TNNT3: variants seen among roughly 807,000 people sequenced by gnomAD.
TNNT3 encodes the protein troponin T, fast skeletal muscle.
A neutral mutation model predicts 54.2 loss-of-function variants in TNNT3; 36 were observed. The ratio of observed to expected loss-of-function variants is 0.66; its 90% CI spans 0.51 to 0.88. TNNT3 has a LOEUF of 0.88. Among genes scored for constraint, TNNT3 ranks in the 40% least tolerant of loss-of-function variants. The pLI is 0.00. For synonymous variants in TNNT3, 120 were observed against 109.7 expected, an observed-to-expected ratio of 1.09 and a Z score of -0.59; for missense variants, 291 against 331.6, an observed-to-expected ratio of 0.88 and a Z score of 0.95.
chr11:1,921,492 A>G (rs1353296957), intron 1 of TNNT3: 1 of 152,222 alleles, frequency 6.6e-6, no homozygotes, highest in East Asian at 1.9e-4. Context: ...GGGGCTGAGG[A>G]CTGAGGAGAG....
At chr11:1,929,920 AGT>A in intron 8 of TNNT3, 92 bp downstream of exon 8, 1 of 1,493,054 alleles carries the variant, frequency 6.7e-7, no homozygotes, top group Non-Finnish European at 9.1e-7. Context: ...CCCAGTGCCG[AGT>A]GTGTTCTGGG....
chr11:1,929,634 G>C (rs1477125361), intron 7 of TNNT3, among the ~76,000 whole-genome samples, 176 bp from the exon 8 acceptor site: 1 of 152,232 alleles, frequency 6.6e-6, no homozygotes, highest in Non-Finnish European at 1.5e-5. Context: ...TGCAGGCCTA[G>C]AGCAGAAACA....
intron 3 of TNNT3, among the ~76,000 whole-genome samples, 158 bp from the exon 4 acceptor site, chr11:1,923,397 C>T (rs1026325396): frequency 2.0e-5 from 3 of 152,000 alleles, no homozygotes; most frequent in South Asian, 4.2e-4. Flanking sequence ...CCTTCCCCAG[C>T]GCCTCCTCAG....
intron 1 of TNNT3, among the ~76,000 whole-genome samples, chr11:1,921,182 C>T (rs193211126): frequency 2.1e-4 from 32 of 152,340 alleles, no homozygotes; most frequent in African/African-American, 7.7e-4. Flanking sequence ...AACGTCTTGC[C>T]TATTTCTGGA....
intron 8 of TNNT3, among the ~76,000 whole-genome samples, chr11:1,931,241 G>A (rs891717397): frequency 2.0e-5 from 3 of 152,078 alleles, no homozygotes; most frequent in East Asian, 1.9e-4. Context: ...CATAAATAAC[G>A]CTGGTTGGAA....
In TNNT3 at chr11:1,934,371, A is replaced by T; in HGVS notation, c.406A>T (p.Arg136Trp). 4 of 1,613,944 alleles carry T rather than the reference A, an allele frequency of 2.5e-6. No homozygotes were observed. The highest frequency in any genetic ancestry group is 3.4e-6 in the Non-Finnish European group (4 of 1,180,038). ...ARREEEDAKR[R>W]AEDDLKKKKA... ...AAGGGAGGAGGAGGATGCCAAGAGG[A>T]GGGCAGAGGACGACCTGAAGAAGAA... Residue 136 changes from arginine to tryptophan, a missense_variant, in exon 12 of 16, where the codon AGG (arginine) becomes TGG (tryptophan). Transcript: ENST00000278317.
chr11:1,932,758 A>G (rs1853774225), intron 9 of TNNT3, among the ~76,000 whole-genome samples: 1 of 150,190 alleles, frequency 6.7e-6, no homozygotes, highest in Non-Finnish European at 1.5e-5. Flanking sequence ...GCTCCTACCC[A>G]TTCACCTATC....
chr11:1,938,602 G>GA lies in TNNT3; in HGVS notation c.*111dup, dbSNP rs1345501507. Reference sequence around the variant, plus strand: ...CCCACAATCCTGTCAGGGGCTCCCTGACAGTCCTGGGGGTGGAGAGGCCAT... The same window carrying GA: ...CCCACAATCCTGTCAGGGGCTCCCTGAACAGTCCTGGGGGTGGAGAGGCCAT... On this transcript the variant is annotated 3_prime_UTR_variant, in exon 16 of 16. Coordinates refer to ENST00000278317, the MANE Select transcript of TNNT3 (RefSeq NM_006757.4). 1.7e-6 allele frequency: 2 copies of GA among 1,203,192 alleles called. No homozygotes were observed. Among genetic ancestry groups the GA allele is most frequent in the Admixed American group, 3.9e-5 (2 of 51,536 alleles). 74.5% of individuals were successfully genotyped at this position (1,203,192 alleles called of 1,614,324 possible).
At chr11:1,937,570 GC>G (rs1855489515) in intron 15 of TNNT3, among the ~76,000 whole-genome samples, 1 of 152,182 alleles carries the variant, frequency 6.6e-6, no homozygotes, top group Non-Finnish European at 1.5e-5. Flanking sequence ...CACCCAGGGT[GC>G]CCCCGGCGAT....
chr11:1,920,903 C>A (rs984083829), intron 1 of TNNT3, among the ~76,000 whole-genome samples: 1 of 152,152 alleles, frequency 6.6e-6, no homozygotes, highest in Non-Finnish European at 1.5e-5. Context: ...AACAGAACAG[C>A]CTTGTGTTGC....
At chr11:1,929,851 C>G (rs1247319147) in intron 8 of TNNT3, 23 bp downstream of exon 8, 17 of 1,510,184 alleles carry the variant, frequency 1.1e-5, no homozygotes, top group Non-Finnish European at 1.5e-5. Context: ...TCCTGGCAGG[C>G]CCGCTGCTGA....
At chr11:1,938,330 C>A in intron 15 of TNNT3, 108 bp from the exon 16 acceptor site, 1 of 1,249,514 alleles carries the variant, frequency 8.0e-7, no homozygotes, top group Non-Finnish European at 1.2e-6. Context: ...CGGGCCTGTG[C>A]CCTGAGAGCA....
intron 1 of TNNT3, chr11:1,921,457 G>A (rs545151800): frequency 1.3e-3 from 203 of 152,714 alleles, no homozygotes; most frequent in Non-Finnish European, 2.2e-3. Context: ...GGGTCACACC[G>A]GGGGCCTGGA....
At position 1,926,425 on chromosome 11, in the gene TNNT3, C is replaced by T. The variant is rs1272706208; in HGVS notation, c.68-270C>T. 2.5e-6 allele frequency: 4 copies of T among 1,613,004 alleles called. No homozygotes were observed. The East Asian group carries it at 6.7e-5, about 27-fold the overall frequency. On this transcript the variant is annotated intron_variant, in intron 5 of 15. Transcript: ENST00000278317. ...CGGACGCTTCTCCATTGACCTCTGA[C>T]CCGCGGTTTTGCCTCTTGTTCCGTG... is the stretch of plus-strand genomic sequence containing the variant.
At chr11:1,923,514 C>G (rs1180522590) in intron 3 of TNNT3, 41 bp from the exon 4 acceptor site, 7 of 1,612,764 alleles carry the variant, frequency 4.3e-6, no homozygotes, top group African/African-American at 2.7e-5. Flanking sequence ...ACGGGCTGCC[C>G]CTTCTAACGT....
intron 5 of TNNT3, chr11:1,926,346 C>T (rs542593630): frequency 5.7e-6 from 7 of 1,217,824 alleles, no homozygotes; most frequent in South Asian, 1.2e-5. Context: ...TTGCTCGCTC[C>T]CCGCACGCAC....
chr11:1,934,958 T>C, intron 14 of TNNT3, 39 bp downstream of exon 14: 1 of 1,592,402 alleles, frequency 6.3e-7, no homozygotes, highest in Non-Finnish European at 8.6e-7. Context: ...CCCTAGCGGC[T>C]TTCACCCACC....
At chr11:1,929,776 G>A (rs766127019) in intron 7 of TNNT3, 34 bp from the exon 8 acceptor site, 6 of 1,551,888 alleles carry the variant, frequency 3.9e-6, no homozygotes. Context: ...CCACGCTGGT[G>A]TCCCTCTCCC....
rs757438086 is a variant in TNNT3, at chr11:1,926,682, G to A, written c.68-13G>A. On this transcript the variant is annotated splice_polypyrimidine_tract_variant and intron_variant, in intron 5 of 15. Coordinates refer to ENST00000278317, the MANE Select transcript of TNNT3 (RefSeq NM_006757.4). ...CTCCCGCCCTTTCTGCCACCATGAC[G>A]CTGCTTCTGCAGAGGAAGTTCAAGA... The A allele has an allele frequency of 6.8e-6, 11 of 1,613,354 alleles. No individual in the cohort carries two copies. Among genetic ancestry groups the A allele is most frequent in the Middle Eastern group, 1.6e-4 (1 of 6,062 alleles).
Sources: gnomAD v4.1 joint callset for allele counts (sites outside exome capture counted in the v4.1 genomes callset) on GRCh38, gnomAD v4.1.1 for gene constraint, MANE v1.5 for transcripts, NCBI Gene and HGNC (gene_info 2026-07-23, HGNC 2026-07-21) for gene names.